The following AMZ2 variants were observed in gnomAD, a reference collection of about 807,000 sequenced individuals.
The protein encoded by AMZ2 is archaemetzincin-2.
AMZ2 carries 26 observed loss-of-function variants against 36.7 expected under a neutral mutation model. The ratio of observed to expected loss-of-function variants is 0.71; its 90% CI spans 0.52 to 0.98. The LOEUF (loss-of-function observed/expected upper bound fraction) is 0.98. Among genes scored for constraint, AMZ2 ranks in the 50% least tolerant of loss-of-function variants. The pLI, the probability that AMZ2 is intolerant of heterozygous loss-of-function variation, is 0.00. For synonymous variants in AMZ2, 144 were observed against 149.1 expected, an observed-to-expected ratio of 0.97 and a Z score of 0.25; for missense variants, 394 against 430.5, an observed-to-expected ratio of 0.92 and a Z score of 0.75.
Position 68,248,686 on chromosome 17 carries a change from A to T in AMZ2, c.-20A>T, listed in dbSNP as rs2074207218. On this transcript the variant is annotated 5_prime_UTR_variant, in exon 1 of 7. Coordinates refer to ENST00000359904, the MANE Select transcript of AMZ2 (RefSeq NM_016627.5). ...CTTGTAAGTTAAAAGCTTCCATGGG[A>T]GCCTTCCTTCCTAATCAAGGTAGGT... 2 of 986,316 alleles carry T rather than the reference A, an allele frequency of 2.0e-6. No homozygotes were observed. Among genetic ancestry groups the T allele is most frequent in the Non-Finnish European group, 2.4e-6 (2 of 830,386 alleles). 61.1% of individuals were successfully genotyped at this position (986,316 alleles called of 1,614,324 possible).
chr17:68,219,294 T>C (rs2073284827), intron 1 of AMZ2, among the ~76,000 whole-genome samples: 1 of 152,144 alleles, frequency 6.6e-6, no homozygotes, highest in Non-Finnish European at 1.5e-5. Context: ...CGGCCTTCCC[T>C]TCCAGCTTCC....
chr17:68,209,287 G>T (rs2144454366), intron 1 of AMZ2, among the ~76,000 whole-genome samples: 1 of 150,726 alleles, frequency 6.6e-6, no homozygotes, highest in East Asian at 2.0e-4. Context: ...TCCACCTCCT[G>T]TGCTTAAGCG....
chr17:68,240,375 AG>A lies in AMZ2; in HGVS notation c.-66-8264del, dbSNP rs757039470. ...GGTGCAAAATAAAATAATCATAACA[AG>A]AAAGGGATTTTGGCTATGAAAAAGC... On this transcript the variant is annotated intron_variant, in intron 1 of 7. Transcript: ENST00000674770. 1.1e-3 allele frequency among the ~76,000 whole-genome samples: 161 copies of A among 152,362 alleles called. 1 individual carries two copies. The highest frequency in any genetic ancestry group is 3.4e-3 in the Middle Eastern group (1 of 294).
intron 5 of AMZ2, 135 bp from the exon 6 acceptor site, chr17:68,255,565 T>TCTGGA: frequency 2.3e-6 from 2 of 872,856 alleles, no homozygotes; most frequent in Admixed American, 5.3e-5. Context: ...TCTTTGAAGG[T>TCTGGA]CTGGACAGGG....
intron 1 of AMZ2, chr17:68,249,460 C>T (rs2074274525): frequency 6.6e-6 from 1 of 152,572 alleles, no homozygotes; most frequent in Non-Finnish European, 1.5e-5. Context: ...TGCACATCAC[C>T]ACATCCGGCT....
intron 1 of AMZ2, among the ~76,000 whole-genome samples, chr17:68,219,187 G>C (rs1168807033): frequency 2.6e-5 from 4 of 152,086 alleles, no homozygotes; most frequent in Admixed American, 2.6e-4. Context: ...GGCTGGTCTT[G>C]AACGCCTGAC....
In AMZ2 at chr17:68,255,892, G is replaced by A. The variant is rs1555742698; in HGVS notation, c.927+16G>A. 4 of 1,612,976 alleles carry A rather than the reference G, an allele frequency of 2.5e-6. No individual in the cohort carries two copies. On this transcript the variant is annotated intron_variant, in intron 6 of 6. Coordinates refer to ENST00000359904, the MANE Select transcript of AMZ2 (RefSeq NM_016627.5). ...AAGATACAAAGTAAGTTGGGGGGTG[G>A]ACAGTCTAAAGAGGGGGAAGTGGTT...
chr17:68,229,148 C>T (rs199811501), intron 1 of AMZ2, among the ~76,000 whole-genome samples: 26 of 148,200 alleles, frequency 1.8e-4, no homozygotes, highest in Admixed American at 4.7e-4. Context: ...CCTGTCTCTT[C>T]TGGTTTTTGC....
Position 68,254,402 on chromosome 17 carries a change from A to C in AMZ2, c.587-2A>C. On this transcript the variant is annotated splice_acceptor_variant, in intron 4 of 6. Transcript: ENST00000359904. LOFTEE classifies it high-confidence loss of function. ...CTGTCACTGTTTGTCCTTTTTTTGT[A>C]GGTGTGGGGATATTCAGCTTTGCCA... is the stretch of plus-strand genomic sequence containing the variant. The C allele has an allele frequency of 6.3e-7, 1 of 1,598,628 alleles. No homozygotes were observed. The highest frequency in any genetic ancestry group is 2.2e-5 in the East Asian group (1 of 44,784).
chr17:68,211,782 ATGTATATGTATATATG>A (rs200193475), intron 1 of AMZ2, among the ~76,000 whole-genome samples: 10,591 of 124,796 alleles, frequency 0.085, 862 homozygotes, highest in East Asian at 0.31. Context: ...ATATGTATAT[ATGTATATGTATATATG>A]TGTATATGTA....
In AMZ2 at chr17:68,251,184, C is replaced by A; in HGVS notation, c.586+6C>A. The A allele has an allele frequency of 6.2e-7, 1 of 1,603,456 alleles. No individual in the cohort carries two copies. Among genetic ancestry groups the A allele is most frequent in the Non-Finnish European group, 8.5e-7 (1 of 1,177,490 alleles). On this transcript the variant is annotated splice_donor_region_variant and intron_variant, in intron 4 of 6. Transcript: ENST00000359904. Reference sequence around the variant, plus strand: ...ACAGGCCTCTTTGACAGATGGTATTCCGTTTTTGGCATTGTTGTTAGAAGC... The same window carrying A: ...ACAGGCCTCTTTGACAGATGGTATTACGTTTTTGGCATTGTTGTTAGAAGC...
intron 1 of AMZ2, among the ~76,000 whole-genome samples, chr17:68,233,642 T>G (rs1296749155): frequency 6.6e-6 from 1 of 152,094 alleles, no homozygotes; most frequent in African/African-American, 2.4e-5. Context: ...TTTTTCTACA[T>G]CATTCTCTCT....
In AMZ2 at chr17:68,212,604, T is replaced by C. The variant is rs1422826398; in HGVS notation, c.-67+6366T>C. On this transcript the variant is annotated intron_variant, in intron 1 of 7. Coordinates refer to the AMZ2 transcript ENST00000674770. ...TTTTTTCAGGGTCTCTTTCACCCTG[T>C]CATCCAGGTTGGGGTGCAACGGCTC... is the stretch of plus-strand genomic sequence containing the variant. Among the ~76,000 whole-genome samples the C allele has an allele frequency of 3.3e-5, 5 of 152,124 alleles. No homozygotes were observed. The East Asian group carries it at 9.6e-4, about 29-fold the overall frequency.
chr17:68,238,586 T>TACACACATATGTACACAC (rs2073839795), intron 1 of AMZ2, among the ~76,000 whole-genome samples: 1 of 150,888 alleles, frequency 6.6e-6, no homozygotes, highest in African/African-American at 2.4e-5. Flanking sequence ...CACACATATG[T>TACACACATATGTACACAC]ACACACACAC....
At chr17:68,208,103 C>T (rs1280768853) in intron 1 of AMZ2, among the ~76,000 whole-genome samples, 4 of 152,168 alleles carry the variant, frequency 2.6e-5, no homozygotes, top group African/African-American at 9.7e-5. Context: ...CCCCTGCCCC[C>T]GTGGGCTCCT....
At chr17:68,210,335 A>G (rs1555725615) in intron 1 of AMZ2, among the ~76,000 whole-genome samples, 1 of 152,268 alleles carries the variant, frequency 6.6e-6, no homozygotes, top group Non-Finnish European at 1.5e-5. Flanking sequence ...ATTGATCCAT[A>G]TAACAGATAC....
chr17:68,242,599 G>A (rs2073924563), intron 1 of AMZ2, among the ~76,000 whole-genome samples: 1 of 152,140 alleles, frequency 6.6e-6, no homozygotes, highest in South Asian at 2.1e-4. Context: ...TTTTAGTAGA[G>A]ATGGGGTTTC....
chr17:68,229,960 C>T (rs1349123434), intron 1 of AMZ2, among the ~76,000 whole-genome samples: 2 of 152,216 alleles, frequency 1.3e-5, no homozygotes, highest in African/African-American at 4.8e-5. Context: ...CCTGGTGGCT[C>T]AGGGCTCCCA....
At chr17:68,252,810 C>T (rs1326547932) in intron 4 of AMZ2, among the ~76,000 whole-genome samples, 66 of 152,170 alleles carry the variant, frequency 4.3e-4, no homozygotes, top group African/African-American at 1.6e-3. Context: ...AGGTGTGAGT[C>T]ACCACACCCA....
Sources: gnomAD v4.1 joint callset for allele counts (sites outside exome capture counted in the v4.1 genomes callset) on GRCh38, gnomAD v4.1.1 for gene constraint, MANE v1.5 for transcripts, NCBI Gene and HGNC (gene_info 2026-07-23, HGNC 2026-07-21) for gene names.